Variants in ARHGEF1 observed in about 807,000 individuals in gnomAD.
ARHGEF1 encodes the protein Rho guanine nucleotide exchange factor 1.
ARHGEF1 carries 40 observed loss-of-function variants against 119.7 expected under a neutral mutation model. That is an observed-to-expected ratio of 0.33 (90% CI 0.26 to 0.44). ARHGEF1 has a LOEUF of 0.44. Among genes scored for constraint, ARHGEF1 ranks in the 20% least tolerant of loss-of-function variants. The pLI is 1.00. For synonymous variants in ARHGEF1, 494 were observed against 521.0 expected, an observed-to-expected ratio of 0.95 and a Z score of 0.71; for missense variants, 976 against 1,268.3, an observed-to-expected ratio of 0.77 and a Z score of 3.50.
Position 41,903,025 on chromosome 19 carries a change from C to A in ARHGEF1, c.1738+127C>A. Reference sequence around the variant, plus strand: ...CCTCAACCTCCCAGGATCTACCATCCTCCCACCTCAGCTCCCCAAGTAGCT... The same window carrying A: ...CCTCAACCTCCCAGGATCTACCATCATCCCACCTCAGCTCCCCAAGTAGCT... On this transcript the variant is annotated intron_variant, in intron 18 of 28. Coordinates refer to ENST00000354532, the MANE Select transcript of ARHGEF1 (RefSeq NM_004706.4). The surrounding 1 kb of genome is among the most constrained non-coding windows in gnomAD (Gnocchi z 4.2). 1 of 810,090 alleles carries A rather than the reference C, an allele frequency of 1.2e-6. No homozygotes were observed. Among genetic ancestry groups the A allele is most frequent in the Non-Finnish European group, 1.9e-6 (1 of 526,674 alleles). The allele number at this position is 810,090 out of a possible 1,614,324, so 50.2% of individuals were successfully genotyped here. A position where few individuals can be genotyped will look rare whatever the true frequency, so the allele number is the denominator to read the frequency against.
At chr19:41,895,318 T>C (rs369013275) in intron 11 of ARHGEF1, 31 bp from the exon 12 acceptor site, 2 of 1,584,032 alleles carry the variant, frequency 1.3e-6, no homozygotes, top group Non-Finnish European at 1.7e-6. Flanking sequence ...TGTTCTCTTA[T>C]CTCCCTCTTT....
At position 41,883,274 on chromosome 19, in the gene ARHGEF1, T is replaced by A; in HGVS notation, c.-35T>A. ...GACCTCGGGCGCCCCGCCGGTCACC[T>A]CCGCGCGGACACCAGGTACTCGGTC... On this transcript the variant is annotated 5_prime_UTR_variant, in exon 1 of 29. Coordinates refer to ENST00000354532, the MANE Select transcript of ARHGEF1 (RefSeq NM_004706.4). The surrounding 1 kb of genome is among the most constrained non-coding windows in gnomAD (Gnocchi z 7.6). The A allele has an allele frequency of 5.2e-6, 1 of 194,070 alleles. No individual in the cohort carries two copies. Among genetic ancestry groups the A allele is most frequent in the African/African-American group, 2.4e-5 (1 of 42,008 alleles). 12.0% of individuals were successfully genotyped at this position (194,070 alleles called of 1,614,324 possible). A position where few individuals can be genotyped will look rare whatever the true frequency, so the allele number is the denominator to read the frequency against.
chr19:41,889,082 C>G lies in ARHGEF1; in HGVS notation c.225+217C>G. On this transcript the variant is annotated intron_variant, in intron 4 of 28. Coordinates refer to ENST00000354532, the MANE Select transcript of ARHGEF1 (RefSeq NM_004706.4). The surrounding 1 kb of genome is among the most constrained non-coding windows in gnomAD (Gnocchi z 4.0). ...CAAGTGCCCAGGGTAGATCTCAGTG[C>G]GCAGCGGGCAGGGTACACACGTCAG... 1.9e-6 allele frequency: 1 copy of G among 517,516 alleles called. No individual in the cohort carries two copies. The highest frequency in any genetic ancestry group is 3.5e-6 in the Non-Finnish European group (1 of 288,184). 32.1% of individuals were successfully genotyped at this position (517,516 alleles called of 1,614,324 possible). A position where few individuals can be genotyped will look rare whatever the true frequency, so the allele number is the denominator to read the frequency against.
Position 41,902,803 on chromosome 19 carries a change from G to A in ARHGEF1, c.1643G>A (p.Arg548Gln), listed in dbSNP as rs1555849325. ...CCGCAGGAAGCTGAGAGCCGCCCGC[G>A]GTGCCGCCGCCTGCAGCTGAAGGAC... ...AFVQEAESRP[R>Q]CRRLQLKDMI... The change falls in exon 18 of 29, where the codon CGG (arginine) becomes CAG (glutamine). Residue 548 changes from arginine to glutamine, a missense_variant. By Grantham distance (43) the Arg-to-Gln change is conservative. Coordinates refer to ENST00000354532, the MANE Select transcript of ARHGEF1 (RefSeq NM_004706.4). This position sits in a 1 kb window ranked among gnomAD's most constrained non-coding sequence, Gnocchi z 6.5. 6.2e-6 allele frequency: 10 copies of A among 1,612,896 alleles called. No individual in the cohort carries two copies. Among genetic ancestry groups the A allele is most frequent in the Non-Finnish European group, 8.5e-6 (10 of 1,179,998 alleles).
chr19:41,894,119 A>AGT (rs2074431112), intron 8 of ARHGEF1, 88 bp from the exon 9 acceptor site: 2 of 801,876 alleles, frequency 2.5e-6, no homozygotes, highest in Non-Finnish European at 3.4e-6. Context: ...GGGGAGAGAG[A>AGT]GAGAGTGTGT....
chr19:41,927,249 TAGAA>T (rs782173358), intron 1 of ARHGEF1, among the ~76,000 whole-genome samples: 2 of 151,908 alleles, frequency 1.3e-5, no homozygotes, highest in Non-Finnish European at 2.9e-5. Flanking sequence ...GGTGGAATGA[TAGAA>T]AGGGTGTCCC....
In ARHGEF1 at chr19:41,904,260, C is replaced by A. The variant is rs782599588; in HGVS notation, c.2038C>A (p.Arg680Ser). The A allele has an allele frequency of 6.2e-7, 1 of 1,613,130 alleles. No individual in the cohort carries two copies. Among genetic ancestry groups the A allele is most frequent in the Non-Finnish European group, 8.5e-7 (1 of 1,179,820 alleles). ...GGACGACCTGCTGCTGCTGCTCCAG[C>A]GCCAGGACGAGCGGCTGCTGCTCAA... The part of the protein sequence containing the change: ...LLDDLLLLLQ[R>S]QDERLLLKSH... The change falls in exon 22 of 29, where the codon CGC (arginine) becomes AGC (serine). Residue 680 changes from arginine (R) to serine (S), a missense_variant. By Grantham distance (110) the Arg-to-Ser change is moderately radical (BLOSUM62 -1). Around this residue, in one of 3 missense-constraint regions of ARHGEF1, gnomAD observed 286 missense variants for 506.8 expected, o/e 0.56. Transcript: ENST00000354532. The surrounding 1 kb of genome is among the most constrained non-coding windows in gnomAD (Gnocchi z 8.4).
At position 41,916,656 on chromosome 19, in the gene ARHGEF1, A is replaced by G. The variant is rs62117431; in HGVS notation, c.1866-6436A>G. On this transcript the variant is annotated intron_variant, in intron 18 of 20. Transcript: ENST00000599589. This position sits in a 1 kb window ranked among gnomAD's most constrained non-coding sequence, Gnocchi z 5.4. The stretch of plus-strand genomic sequence containing the variant: ...CAACAGCACACAGAAACAGACACAC[A>G]GTCACACAACCAAGCACCACCGACC... 0.036 allele frequency among the ~76,000 whole-genome samples: 5,531 copies of G among 152,024 alleles called. 157 individuals are homozygous for G. Among genetic ancestry groups the G allele is most frequent in the Non-Finnish European group, 0.053 (3,598 of 67,960 alleles).
chr19:41,903,518 C>T lies in ARHGEF1; in HGVS notation c.1839+111C>T. 9.1e-7 allele frequency: 1 copy of T among 1,095,190 alleles called. No individual in the cohort carries two copies. The highest frequency in any genetic ancestry group is 2.7e-5 in the Admixed American group (1 of 36,480). The allele number at this position is 1,095,190 out of a possible 1,614,324, so 67.8% of individuals were successfully genotyped here. ...ACCCCACCCCTTGGCTTGTCTCCCTCAAGGGTCACTGTGTCCAGGGGTTGG... is the reference window on the plus strand; with the variant it reads ...ACCCCACCCCTTGGCTTGTCTCCCTTAAGGGTCACTGTGTCCAGGGGTTGG... On this transcript the variant is annotated intron_variant, in intron 19 of 28. Coordinates refer to ENST00000354532, the MANE Select transcript of ARHGEF1 (RefSeq NM_004706.4). This position sits in a 1 kb window ranked among gnomAD's most constrained non-coding sequence, Gnocchi z 4.2.
chr19:41,898,845 C>T (rs1291310490), intron 14 of ARHGEF1, among the ~76,000 whole-genome samples: 1 of 152,230 alleles, frequency 6.6e-6, no homozygotes, highest in East Asian at 1.9e-4. Context: ...GAGAACACTG[C>T]ATTTCTGGTG....
chr19:41,885,179 C>T (rs1466503572), intron 1 of ARHGEF1, among the ~76,000 whole-genome samples: 1 of 152,106 alleles, frequency 6.6e-6, no homozygotes, highest in Non-Finnish European at 1.5e-5. Flanking sequence ...GACAGCTTCA[C>T]CTATAATTCT....
In ARHGEF1 at chr19:41,897,123, C is replaced by T. The variant is rs563153434; in HGVS notation, c.1121+641C>T. The T allele has an allele frequency of 1.3e-3, 508 of 388,720 alleles. 3 individuals are homozygous for T. The highest frequency in any genetic ancestry group is 7.0e-3 in the South Asian group (386 of 55,002). The allele number at this position is 388,720 out of a possible 1,614,324, so 24.1% of individuals were successfully genotyped here. ...CCACCCCCCGCCTCGCTCCTGCCTC[C>T]TGGTGCCCGTCCCTCAACCCCCCAC... is the stretch of plus-strand genomic sequence containing the variant. On this transcript the variant is annotated intron_variant, in intron 13 of 28. Transcript: ENST00000354532.
intron 1 of ARHGEF1, among the ~76,000 whole-genome samples, chr19:41,885,454 T>TTTTA (rs34459918): frequency 0.46 from 69,245 of 151,086 alleles, 17,838 homozygotes; most frequent in Middle Eastern, 0.72. Flanking sequence ...TTTTATTTTG[T>TTTTA]TTTATTTATT....
chr19:41,914,622 CAT>C (rs2074779368), intron 18 of ARHGEF1, among the ~76,000 whole-genome samples: 1 of 40,354 alleles, frequency 2.5e-5, no homozygotes, highest in Non-Finnish European at 4.3e-5. Flanking sequence ...CCCCTTCCAC[CAT>C]CTCTGTCTCT....
intron 13 of ARHGEF1, chr19:41,897,782 C>A (rs1013341917): frequency 3.2e-6 from 2 of 623,280 alleles, no homozygotes; most frequent in Non-Finnish European, 4.8e-6. Context: ...CGTCTCTCCC[C>A]AATTTCTGTC....
At chr19:41,922,999 G>C (rs2074850954), upstream of ARHGEF1, 1 of 375,996 alleles carries the variant, frequency 2.7e-6, no homozygotes, top group African/African-American at 2.1e-5. Flanking sequence ...GGGAATGTGA[G>C]GGGCAGCCTA....
At chr19:41,910,141 G>A, downstream of ARHGEF1, 1 of 1,570,148 alleles carries the variant, frequency 6.4e-7, no homozygotes, top group Non-Finnish European at 8.7e-7. The surrounding 1 kb of genome is among the most constrained non-coding windows in gnomAD (Gnocchi z 4.4). Context: ...AGGATGCCAA[G>A]TCCAGGGCTC....
rs1352189164 is a variant in ARHGEF1 at position 41,917,618 on chromosome 19, C to T, written c.1866-5474C>T. The stretch of plus-strand genomic sequence containing the variant: ...AAGACCCTTCTGCCACCGCCGCCCC[C>T]GCATGCACACACCATGCCCCAAAGC... On this transcript the variant is annotated intron_variant, in intron 18 of 20. Coordinates refer to the ARHGEF1 transcript ENST00000599589. The surrounding 1 kb of genome is among the most constrained non-coding windows in gnomAD (Gnocchi z 4.8). 6.6e-6 allele frequency among the ~76,000 whole-genome samples: 1 copy of T among 151,974 alleles called. No homozygotes were observed. The highest frequency in any genetic ancestry group is 1.5e-5 in the Non-Finnish European group (1 of 67,976).
At position 41,902,211 on chromosome 19, in the gene ARHGEF1, A is replaced by G. The variant is rs915750432; in HGVS notation, c.1415-63A>G. 38 of 1,598,744 alleles carry G rather than the reference A, an allele frequency of 2.4e-5. No homozygotes were observed. The Admixed American group carries it at 3.0e-4, about 13-fold the overall frequency. On this transcript the variant is annotated intron_variant, in intron 15 of 28. Transcript: ENST00000354532. This position sits in a 1 kb window ranked among gnomAD's most constrained non-coding sequence, Gnocchi z 6.5. ...TGCAGCCCTACCCCCACCACACCGC[A>G]GCAGGCCCCGCACAGCATCTTCCAG...
Sources: allele counts gnomAD v4.1 joint callset (sites outside exome capture counted in the v4.1 genomes callset), GRCh38; gene constraint gnomAD v4.1.1; regional missense constraint gnomAD v4.1.1; non-coding constraint Gnocchi (gnomAD v3.1); transcripts MANE v1.5; gene names NCBI Gene and HGNC (gene_info 2026-07-23, HGNC 2026-07-21).